Variants in CABIN1 observed in about 807,000 individuals in gnomAD.
CABIN1 encodes calcineurin binding protein 1.
Under a neutral mutation model 227.7 loss-of-function variants are expected in CABIN1, and 133 were observed. That is an observed-to-expected ratio of 0.58 (90% CI 0.51 to 0.67). CABIN1 has a LOEUF of 0.67. Ranked by LOEUF, CABIN1 falls within the 30% of genes least tolerant of loss-of-function variation. The pLI is 0.00. For synonymous variants in CABIN1, 1,086 were observed against 1,155.1 expected (o/e 0.94, Z 1.21); for missense variants, 2,408 against 2,852.5 (o/e 0.84, Z 3.55).
chr22:24,063,279 G>T, intron 14 of CABIN1, 133 bp downstream of exon 14: 1 of 898,360 alleles, frequency 1.1e-6, no homozygotes, highest in East Asian at 2.5e-5. Context: ...TACATGCATA[G>T]CACCTGCCCG....
At chr22:24,036,252 AT>A in intron 3 of CABIN1, 71 bp downstream of exon 3, 1 of 1,092,578 alleles carries the variant, frequency 9.2e-7, no homozygotes, top group Non-Finnish European at 1.4e-6. Context: ...TTTTAAATAC[AT>A]TTAGGCATCT....
At chr22:24,148,436 C>T (rs1168117027) in intron 29 of CABIN1, among the ~76,000 whole-genome samples, 1 of 152,226 alleles carries the variant, frequency 6.6e-6, no homozygotes, top group African/African-American at 2.4e-5. Context: ...TAGGGTTGCC[C>T]TCTGTGGCAG....
Position 24,063,134 on chromosome 22 carries a change from C to T in CABIN1, c.1872C>T (p.Phe624=), listed in dbSNP as rs1395035031. Residue 624 remains phenylalanine, a synonymous_variant, in exon 14 of 37, where the codon TTC becomes TTT. Transcript: ENST00000263119. ...GTGTTTACTGGCTGAAGGCTCGCTT[C>T]CTGGCGCTGCAGGTTAGTTCCATGG... ...VVRVYWLKAR[F]LALQGDMEQA... 3 of 1,613,998 alleles carry T rather than the reference C, an allele frequency of 1.9e-6. No homozygotes were observed. In the African/African-American group the frequency reaches 4.0e-5, roughly 22 times the overall value.
chr22:24,172,982 G>C (rs1416981010), intron 34 of CABIN1: 1 of 152,240 alleles, frequency 6.6e-6, no homozygotes, highest in East Asian at 1.9e-4. Flanking sequence ...CTCCCCAGCT[G>C]GTGGGGCCCC....
At chr22:24,140,723 G>C (rs1429199429) in intron 29 of CABIN1, among the ~76,000 whole-genome samples, 1 of 152,230 alleles carries the variant, frequency 6.6e-6, no homozygotes, top group Non-Finnish European at 1.5e-5. Flanking sequence ...TCTGAAAGAA[G>C]CAAAGGGAGC....
rs369535145 is a variant in CABIN1 at position 24,147,453 on chromosome 22, C to CTT, written c.4746+13047_4746+13048dup. On this transcript the variant is annotated intron_variant, in intron 29 of 36. Coordinates refer to ENST00000263119, the MANE Select transcript of CABIN1 (RefSeq NM_012295.4). ...TTTCTTTTCTTTTCTTTCTTTCTTTCTTTTTTTTTTGAGACAGGGCTTCAC... is the reference window on the plus strand; with the variant it reads ...TTTCTTTTCTTTTCTTTCTTTCTTTCTTTTTTTTTTTTGAGACAGGGCTTCAC... 2.2e-5 allele frequency among the ~76,000 whole-genome samples: 3 copies of CTT among 138,538 alleles called. No homozygotes were observed. In the East Asian group the frequency reaches 6.2e-4, roughly 29 times the overall value. 90.9% of individuals were successfully genotyped at this position (138,538 alleles called of 152,430 possible).
chr22:24,049,247 G>A (rs1273767185), intron 7 of CABIN1, 27 bp downstream of exon 7: 1 of 1,610,578 alleles, frequency 6.2e-7, no homozygotes, highest in Admixed American at 1.7e-5. Flanking sequence ...CCCATGCCAT[G>A]TGTGCACGCT....
chr22:24,085,072 G>T lies in CABIN1; in HGVS notation c.3184G>T (p.Ala1062Ser). ...GGTGAACGAGCTTTACTACCTCCTG[G>T]CTGATTATCATTTCAAAAACAAGGA... The part of the protein sequence containing the change: ...PVVNELYYLL[A>S]DYHFKNKEQS... Residue 1062 changes from alanine to serine, a missense_variant, in exon 22 of 37, where the codon GCT becomes TCT. Around this residue, in one of 3 missense-constraint regions of CABIN1, gnomAD observed 649 missense variants for 910.3 expected, o/e 0.71. Transcript: ENST00000263119. 1.9e-6 allele frequency: 3 copies of T among 1,614,126 alleles called. No homozygotes were observed. Among genetic ancestry groups the T allele is most frequent in the Non-Finnish European group, 2.5e-6 (3 of 1,180,010 alleles).
At chr22:24,170,255 C>T in intron 33 of CABIN1, 1 of 421,958 alleles carries the variant, frequency 2.4e-6, no homozygotes, top group Admixed American at 2.5e-5. Flanking sequence ...TGGTTCTCTC[C>T]TCCCTTAAGC....
Position 24,072,300 on chromosome 22 carries a change from C to T in CABIN1, c.2476-54C>T. On this transcript the variant is annotated intron_variant, in intron 17 of 36. Transcript: ENST00000263119. ...GCCTCCTGCCTCCCTTCAGTCTGCC[C>T]TGAAGGCTTACCCTGCTGTGACACT... The T allele has an allele frequency of 1.9e-6, 3 of 1,609,660 alleles. No individual in the cohort carries two copies. In the South Asian group the frequency reaches 3.3e-5, roughly 18 times the overall value.
At chr22:24,101,489 G>A (rs919129610) in intron 26 of CABIN1, among the ~76,000 whole-genome samples, 1 of 152,178 alleles carries the variant, frequency 6.6e-6, no homozygotes, top group Non-Finnish European at 1.5e-5. Flanking sequence ...TGACTCTACC[G>A]CAGCCTGGTG....
chr22:24,041,989 T>C (rs114684280), intron 5 of CABIN1, among the ~76,000 whole-genome samples: 79 of 152,348 alleles, frequency 5.2e-4, no homozygotes, highest in African/African-American at 1.9e-3. Context: ...TCTCAGTCTG[T>C]TGCCCATGCT....
intron 33 of CABIN1, among the ~76,000 whole-genome samples, chr22:24,171,123 A>G (rs1316952787): frequency 1.3e-5 from 2 of 152,196 alleles, no homozygotes; most frequent in African/African-American, 4.8e-5. Context: ...CTCACCTGGA[A>G]ATCGAAGGCC....
chr22:24,171,014 G>A (rs559116852), intron 33 of CABIN1, among the ~76,000 whole-genome samples: 2 of 152,332 alleles, frequency 1.3e-5, no homozygotes, highest in South Asian at 4.1e-4. Context: ...AGGGCTGGCT[G>A]GGGGTGGGAG....
rs2042000443 is a variant in CABIN1 at position 24,098,115 on chromosome 22, C to T, written c.4040C>T (p.Ser1347Phe). Residue 1347 changes from serine (S) to phenylalanine (F), a missense_variant, in exon 26 of 37, where the codon TCC becomes TTC. Physicochemically the swap from Ser to Phe is radical, Grantham distance 155. Transcript: ENST00000263119. ...TCCTCCTCTGGCCCAGGTCTGACAT[C>T]CCCACCTTACACAGCCACTCCGATT... ...LPSSSGPGLT[S>F]PPYTATPIDH... 1 of 1,614,044 alleles carries T rather than the reference C, an allele frequency of 6.2e-7. No individual in the cohort carries two copies. Among genetic ancestry groups the T allele is most frequent in the Non-Finnish European group, 8.5e-7 (1 of 1,180,044 alleles).
intron 29 of CABIN1, among the ~76,000 whole-genome samples, chr22:24,147,321 C>T (rs1438802605): frequency 2.4e-5 from 3 of 123,048 alleles, no homozygotes; most frequent in African/African-American, 3.0e-5. Flanking sequence ...CCCTCCCTCC[C>T]TCCCTCCTCT....
intron 7 of CABIN1, among the ~76,000 whole-genome samples, chr22:24,050,499 A>G: frequency 6.6e-6 from 1 of 152,122 alleles, no homozygotes; most frequent in East Asian, 1.9e-4. Flanking sequence ...TTCTTTTAAG[A>G]TTTTCTAATA....
At chr22:24,080,018 C>A (rs1223126827) in intron 19 of CABIN1, among the ~76,000 whole-genome samples, 1 of 152,100 alleles carries the variant, frequency 6.6e-6, no homozygotes, top group Non-Finnish European at 1.5e-5. Flanking sequence ...ACTTTTACTT[C>A]CCTCTCACAA....
Position 24,091,760 on chromosome 22 carries a change from C to T in CABIN1, c.3703C>T (p.His1235Tyr), listed in dbSNP as rs151220992. The T allele has an allele frequency of 2.9e-5, 47 of 1,613,870 alleles. No individual in the cohort carries two copies. Among genetic ancestry groups the T allele is most frequent in the Non-Finnish European group, 4.0e-5 (47 of 1,179,996 alleles). ...CTTGCTGCACTACAGGCAGGCTGGCCACTACCTGCACGAGGAGGCTGCCCG... is the reference window on the plus strand; with the variant it reads ...CTTGCTGCACTACAGGCAGGCTGGCTACTACCTGCACGAGGAGGCTGCCCG... ...VYLLHYRQAG[H>Y]YLHEEAARYP... The change falls in exon 24 of 37, where the codon CAC (histidine) becomes TAC (tyrosine). Residue 1235 changes from histidine to tyrosine, a missense_variant. By Grantham distance (83) the His-to-Tyr change is moderately conservative. Coordinates refer to ENST00000263119, the MANE Select transcript of CABIN1 (RefSeq NM_012295.4).
Sources: allele counts gnomAD v4.1 joint callset (sites outside exome capture counted in the v4.1 genomes callset), GRCh38; gene constraint gnomAD v4.1.1; regional missense constraint gnomAD v4.1.1; transcripts MANE v1.5; gene names NCBI Gene and HGNC (gene_info 2026-07-23, HGNC 2026-07-21).